PDE1C: variants seen among roughly 807,000 people sequenced by gnomAD.
PDE1C encodes the protein dual specificity calcium/calmodulin-dependent 3',5'-cyclic nucleotide phosphodiesterase 1C.
In PDE1C, 62 loss-of-function variants were observed where a neutral mutation model predicts 93.1. That is an observed-to-expected ratio of 0.67 (90% confidence interval 0.54 to 0.82). The LOEUF (loss-of-function observed/expected upper bound fraction) is 0.82, where lower values mean the gene tolerates loss of function less well. Among genes scored for constraint, PDE1C ranks in the 40% least tolerant of loss-of-function variants. The pLI is 0.00. For synonymous variants in PDE1C, 325 were observed against 310.1 expected (o/e 1.05, Z -0.50); for missense variants, 742 against 884.6 (o/e 0.84, Z 2.04).
rs201547417 is a variant in PDE1C, at chr7:32,396,528, G to C, written c.310+31294C>G. 4.4e-4 allele frequency among the ~76,000 whole-genome samples: 66 copies of C among 150,804 alleles called. No individual in the cohort carries two copies. In the East Asian group the frequency reaches 9.3e-3, roughly 21 times the overall value. On this transcript the variant is annotated intron_variant, in intron 1 of 1. Transcript: ENST00000672256. ...GGATATGCATATTGAAGTATGGGGGGGGGGAGTGTTGTAATGTCTTCAACT... is the reference window on the plus strand; with the variant it reads ...GGATATGCATATTGAAGTATGGGGGCGGGGAGTGTTGTAATGTCTTCAACT...
intron 2 of PDE1C, among the ~76,000 whole-genome samples, chr7:32,187,339 T>C (rs1305152037): frequency 6.6e-6 from 1 of 152,082 alleles, no homozygotes; most frequent in Admixed American, 6.5e-5. Flanking sequence ...ATATTATGTT[T>C]CTCTTATATT....
intron 1 of PDE1C, among the ~76,000 whole-genome samples, chr7:32,292,967 G>A (rs1812427203): frequency 2.0e-5 from 3 of 152,200 alleles, no homozygotes; most frequent in South Asian, 4.1e-4. Context: ...CTCATCTGGT[G>A]TCAGGGGCCA....
At chr7:31,893,069 A>G (rs1033041371) in intron 2 of PDE1C, among the ~76,000 whole-genome samples, 2 of 152,222 alleles carry the variant, frequency 1.3e-5, no homozygotes, top group African/African-American at 4.8e-5. Flanking sequence ...GTAAATTTTA[A>G]AAATAAATAA....
intron 1 of PDE1C, among the ~76,000 whole-genome samples, chr7:32,320,172 G>T (rs1371421849): frequency 6.6e-6 from 1 of 152,122 alleles, no homozygotes; most frequent in Non-Finnish European, 1.5e-5. Context: ...GTTTACTAAG[G>T]TTTGTGTTTC....
intron 2 of PDE1C, among the ~76,000 whole-genome samples, chr7:32,200,807 G>C (rs539070584): frequency 6.6e-6 from 1 of 152,254 alleles, no homozygotes; most frequent in Non-Finnish European, 1.5e-5. Context: ...GAAAACAGAG[G>C]CCTCATCATC....
At chr7:32,002,389 A>G (rs1785585376) in intron 2 of PDE1C, among the ~76,000 whole-genome samples, 2 of 152,180 alleles carry the variant, frequency 1.3e-5, no homozygotes, top group South Asian at 4.1e-4. Context: ...CTGACAAGAT[A>G]TCACCTAGTT....
At chr7:32,346,765 T>A (rs963564478) in intron 1 of PDE1C, among the ~76,000 whole-genome samples, 1 of 152,220 alleles carries the variant, frequency 6.6e-6, no homozygotes, top group Non-Finnish European at 1.5e-5. Flanking sequence ...AGGAACAAAC[T>A]AATGATACAT....
chr7:31,795,168 G>A (rs145470130), intron 16 of PDE1C, among the ~76,000 whole-genome samples: 23 of 151,966 alleles, frequency 1.5e-4, no homozygotes, highest in East Asian at 7.8e-4. Flanking sequence ...GCATGTGAGC[G>A]TCTAGAAAAG....
At chr7:31,963,907 G>C (rs1057304647) in intron 2 of PDE1C, among the ~76,000 whole-genome samples, 2 of 152,194 alleles carry the variant, frequency 1.3e-5, no homozygotes, top group Non-Finnish European at 1.5e-5. Context: ...AGCACTTATG[G>C]AGTTAGTAAA....
chr7:32,213,839 G>A (rs973391615), intron 1 of PDE1C, among the ~76,000 whole-genome samples: 11 of 152,184 alleles, frequency 7.2e-5, no homozygotes, highest in South Asian at 4.1e-4. Context: ...GTTCAGTTGC[G>A]TGTCTAGGCT....
At chr7:31,627,851 A>C in the PDE1C span, among the ~76,000 whole-genome samples, 2 of 152,148 alleles carry the variant, frequency 1.3e-5, no homozygotes, top group African/African-American at 4.8e-5. Flanking sequence ...GAAAAGATAC[A>C]ATTTTAAGTG....
intron 2 of PDE1C, among the ~76,000 whole-genome samples, chr7:32,206,281 G>C (rs1241614213): frequency 6.6e-6 from 1 of 152,112 alleles, no homozygotes; most frequent in African/African-American, 2.4e-5. Flanking sequence ...AGGAGCAGGG[G>C]GAAAGGAGCA....
chr7:32,349,849 C>T (rs1237619929), intron 1 of PDE1C, among the ~76,000 whole-genome samples: 4 of 152,116 alleles, frequency 2.6e-5, no homozygotes, highest in Admixed American at 1.3e-4. Flanking sequence ...CAGGCTGACT[C>T]GAACTCCTGA....
At chr7:31,735,671 C>T in the PDE1C span, among the ~76,000 whole-genome samples, 3 of 152,296 alleles carry the variant, frequency 2.0e-5, no homozygotes, top group South Asian at 6.2e-4. Context: ...TGAAATAATG[C>T]TTACAAAATA....
At chr7:32,020,370 T>C (rs1788479959) in intron 2 of PDE1C, among the ~76,000 whole-genome samples, 1 of 152,112 alleles carries the variant, frequency 6.6e-6, no homozygotes, top group Non-Finnish European at 1.5e-5. Flanking sequence ...ATAGAAATTC[T>C]TCATATTTTT....
Position 32,309,215 on chromosome 7 carries a change from A to C in PDE1C, c.311-99676T>G, listed in dbSNP as rs571839972. ...GTTTAGAGAAAAAAGAATAAAAAGA[A>C]ACAAACAAAGCCTCCAAGAAATATG... On this transcript the variant is annotated intron_variant, in intron 1 of 1. Coordinates refer to the PDE1C transcript ENST00000672256. 3.9e-5 allele frequency among the ~76,000 whole-genome samples: 6 copies of C among 152,332 alleles called. No homozygotes were observed. The East Asian group carries it at 1.2e-3, about 29-fold the overall frequency.
At chr7:31,949,207 C>G (rs1176612229) in intron 2 of PDE1C, among the ~76,000 whole-genome samples, 1 of 152,044 alleles carries the variant, frequency 6.6e-6, no homozygotes, top group Non-Finnish European at 1.5e-5. Flanking sequence ...GCCTGTAATC[C>G]CAACACTTTG....
intron 7 of PDE1C, among the ~76,000 whole-genome samples, chr7:31,862,910 A>G (rs567122798): frequency 6.6e-6 from 1 of 152,330 alleles, no homozygotes; most frequent in Non-Finnish European, 1.5e-5. Flanking sequence ...CTAAGAGAGT[A>G]AGAACTATTC....
rs569760527 is a variant in PDE1C, at chr7:31,939,206, C to CAG, written c.129-58348_129-58347dup. Among the ~76,000 whole-genome samples, 193 of 151,832 alleles carry CAG rather than the reference C, an allele frequency of 1.3e-3. 3 individuals carry two copies. The East Asian group carries it at 0.02, about 16-fold the overall frequency. On this transcript the variant is annotated intron_variant, in intron 2 of 17. Transcript: ENST00000396191. The stretch of plus-strand genomic sequence containing the variant: ...TAGAAGAATCTCTCTGTTAAACACA[C>CAG]AGAGAGAGAGACAGAAGAAGAAGAA...
Sources: allele counts gnomAD v4.1 joint callset (sites outside exome capture counted in the v4.1 genomes callset), GRCh38; gene constraint gnomAD v4.1.1; transcripts MANE v1.5; gene names NCBI Gene and HGNC (gene_info 2026-07-23, HGNC 2026-07-21).